Variants in GRID1 observed in about 807,000 individuals in gnomAD.
The protein encoded by GRID1 is glutamate receptor ionotropic, delta-1.
A neutral mutation model predicts 98.0 loss-of-function variants in GRID1; 28 were observed. The observed-to-expected ratio is 0.29, with a 90% CI of 0.21 to 0.39. The LOEUF (loss-of-function observed/expected upper bound fraction) is 0.39, where lower values mean the gene tolerates loss of function less well. GRID1 is among the 10% of genes least tolerant of loss of function. The pLI is 1.00. For missense variants in GRID1, 1,111 were observed against 1,340.5 expected, an observed-to-expected ratio of 0.83 and a Z score of 2.67; for synonymous variants, 553 against 538.5, an observed-to-expected ratio of 1.03 and a Z score of -0.37.
At chr10:86,152,267 T>C (rs1287302351) in intron 3 of GRID1, among the ~76,000 whole-genome samples, 6 of 152,170 alleles carry the variant, frequency 3.9e-5, no homozygotes, top group African/African-American at 1.4e-4. Context: ...TGTGTGGTTC[T>C]GTTTGGGTAT....
At chr10:85,660,802 G>A (rs959580540) in intron 12 of GRID1, among the ~76,000 whole-genome samples, 1 of 152,140 alleles carries the variant, frequency 6.6e-6, no homozygotes, top group Admixed American at 6.6e-5. Flanking sequence ...GAGAACTCAT[G>A]CTGGAGTGGC....
At chr10:86,189,625 T>C (rs1845773573) in intron 3 of GRID1, among the ~76,000 whole-genome samples, 1 of 152,178 alleles carries the variant, frequency 6.6e-6, no homozygotes, top group Non-Finnish European at 1.5e-5. Context: ...CTATTACCTA[T>C]GCCCTGTTAC....
chr10:85,723,291 T>A, intron 11 of GRID1, 150 bp from the exon 12 acceptor site: 1 of 700,916 alleles, frequency 1.4e-6, no homozygotes, highest in Non-Finnish European at 2.2e-6. Flanking sequence ...TCTGGGCATC[T>A]GTGCCAATTC....
intron 2 of GRID1, among the ~76,000 whole-genome samples, chr10:86,282,474 G>A (rs868868416): frequency 5.9e-5 from 9 of 152,134 alleles, no homozygotes; most frequent in African/African-American, 1.2e-4. Context: ...CAGGGGATCC[G>A]TGGTCCATCT....
chr10:86,172,476 A>T (rs1360156954), intron 3 of GRID1, among the ~76,000 whole-genome samples: 1 of 152,206 alleles, frequency 6.6e-6, no homozygotes, highest in Non-Finnish European at 1.5e-5. Flanking sequence ...AATGCTAGGC[A>T]GTCTGCCTCC....
At chr10:86,103,490 C>G (rs1417353396) in intron 4 of GRID1, among the ~76,000 whole-genome samples, 3 of 152,208 alleles carry the variant, frequency 2.0e-5, no homozygotes, top group Non-Finnish European at 2.9e-5. Context: ...CTCAACTGCA[C>G]CCCCAGGCCA....
intron 2 of GRID1, among the ~76,000 whole-genome samples, chr10:86,307,786 T>C (rs912133839): frequency 3.3e-5 from 5 of 152,232 alleles, no homozygotes; most frequent in African/African-American, 1.2e-4. Context: ...AAACACCATG[T>C]TGTACACCTT....
chr10:86,278,716 C>T (rs576326605), intron 2 of GRID1, among the ~76,000 whole-genome samples: 3 of 152,248 alleles, frequency 2.0e-5, no homozygotes, highest in Non-Finnish European at 4.4e-5. Flanking sequence ...CTAATGCTCA[C>T]TCAAGAAGAA....
chr10:85,706,614 TA>T (rs1371982933), intron 12 of GRID1, among the ~76,000 whole-genome samples: 4 of 152,216 alleles, frequency 2.6e-5, no homozygotes, highest in South Asian at 2.1e-4. Flanking sequence ...AAAACTACTT[TA>T]AAGTTCATAT....
intron 2 of GRID1, among the ~76,000 whole-genome samples, chr10:86,228,765 C>A (rs181017718): frequency 6.6e-6 from 1 of 152,278 alleles, no homozygotes; most frequent in Admixed American, 6.5e-5. Flanking sequence ...CTGGGTCACC[C>A]CTCAGGAAGT....
intron 2 of GRID1, among the ~76,000 whole-genome samples, chr10:86,239,280 G>A (rs767824332): frequency 6.6e-6 from 1 of 152,144 alleles, no homozygotes; most frequent in Non-Finnish European, 1.5e-5. Context: ...CTCCCTCTTG[G>A]AATGGGTGTA....
chr10:86,160,062 T>A (rs1436078978), intron 3 of GRID1, among the ~76,000 whole-genome samples: 1 of 152,072 alleles, frequency 6.6e-6, no homozygotes, highest in Non-Finnish European at 1.5e-5. Context: ...ATCATTATCA[T>A]CATCATCATC....
At chr10:86,161,673 A>G (rs1197319206) in intron 3 of GRID1, among the ~76,000 whole-genome samples, 1 of 152,136 alleles carries the variant, frequency 6.6e-6, no homozygotes, top group African/African-American at 2.4e-5. Flanking sequence ...AAAATGCTGC[A>G]CATCTCAGCC....
intron 5 of GRID1, among the ~76,000 whole-genome samples, chr10:85,914,799 A>G (rs927576511): frequency 2.0e-5 from 3 of 152,254 alleles, no homozygotes; most frequent in Non-Finnish European, 2.9e-5. Flanking sequence ...GAATGAAGCC[A>G]TTAGAAATTG....
chr10:85,715,929 C>T (rs535311583), intron 12 of GRID1, among the ~76,000 whole-genome samples: 37 of 150,214 alleles, frequency 2.5e-4, no homozygotes, highest in Middle Eastern at 3.4e-3. Flanking sequence ...TCTTTTGAGA[C>T]GGAGTCTAAC....
intron 5 of GRID1, among the ~76,000 whole-genome samples, chr10:85,883,530 GTCTC>G (rs71016116): frequency 0.069 from 8,294 of 119,374 alleles, 301 homozygotes; most frequent in Non-Finnish European, 0.1. Context: ...CTCTCTCTCT[GTCTC>G]TCTCTCTCTC....
chr10:85,770,211 A>G (rs1440576182), intron 8 of GRID1, among the ~76,000 whole-genome samples: 2 of 152,210 alleles, frequency 1.3e-5, no homozygotes, highest in African/African-American at 4.8e-5. Context: ...GTACCCAGGC[A>G]AACAGGGTCT....
At chr10:85,846,253 G>T (rs865969520) in intron 8 of GRID1, among the ~76,000 whole-genome samples, 1 of 152,046 alleles carries the variant, frequency 6.6e-6, no homozygotes, top group Admixed American at 6.6e-5. Flanking sequence ...AATAAAATTG[G>T]CCAGGTGCAG....
chr10:85,802,801 G>T (rs1228281547), intron 8 of GRID1, among the ~76,000 whole-genome samples: 1 of 143,708 alleles, frequency 7.0e-6, no homozygotes, highest in African/African-American at 2.6e-5. Context: ...AGAGAGTCCT[G>T]CAATCTCACC....
Sources: gnomAD v4.1 joint callset for allele counts (sites outside exome capture counted in the v4.1 genomes callset) on GRCh38, gnomAD v4.1.1 for gene constraint, MANE v1.5 for transcripts, NCBI Gene and HGNC (gene_info 2026-07-23, HGNC 2026-07-21) for gene names.